Variants in SLC9A8 observed in about 807,000 individuals in gnomAD.
SLC9A8 encodes the protein sodium/hydrogen exchanger 8.
SLC9A8 carries 48 observed loss-of-function variants against 66.6 expected under a neutral mutation model. The observed-to-expected ratio is 0.72, with a 90% CI of 0.57 to 0.92. SLC9A8 has a LOEUF of 0.92. SLC9A8 is among the 40% of genes least tolerant of loss of function. SLC9A8 has a pLI of 0.00. For synonymous variants in SLC9A8, 274 were observed against 282.6 expected (o/e 0.97, Z 0.31); for missense variants, 599 against 747.3 (o/e 0.80, Z 2.31).
chr20:49,867,544 A>G (rs541866020), intron 10 of SLC9A8, among the ~76,000 whole-genome samples: 1 of 152,194 alleles, frequency 6.6e-6, no homozygotes, highest in Non-Finnish European at 1.5e-5. Context: ...ACTGATCAGT[A>G]TCAGTCAAAG....
intron 2 of SLC9A8, among the ~76,000 whole-genome samples, chr20:49,817,487 A>G (rs965054761): frequency 1.4e-5 from 2 of 139,944 alleles, no homozygotes; most frequent in East Asian, 4.2e-4. Flanking sequence ...TCTGATGTGT[A>G]TTAGGACTGT....
chr20:49,834,230 G>T (rs1335507473), intron 3 of SLC9A8, among the ~76,000 whole-genome samples: 42 of 97,552 alleles, frequency 4.3e-4, no homozygotes, highest in African/African-American at 1.7e-3. Context: ...CACACACTAT[G>T]TATATACACA....
At chr20:49,856,934 G>A (rs763487958) in intron 8 of SLC9A8, among the ~76,000 whole-genome samples, 1 of 152,102 alleles carries the variant, frequency 6.6e-6, no homozygotes, top group Non-Finnish European at 1.5e-5. Flanking sequence ...GGGCAACAGA[G>A]CAAGACCCTG....
intron 10 of SLC9A8, among the ~76,000 whole-genome samples, chr20:49,865,657 G>A (rs145358667): frequency 2.0e-5 from 3 of 152,308 alleles, no homozygotes; most frequent in East Asian, 1.9e-4. Flanking sequence ...TCTTGGAGCC[G>A]TCACCTGGTA....
In SLC9A8 at chr20:49,889,164, C is replaced by T. The variant is rs1274917393; in HGVS notation, c.*1228C>T. On this transcript the variant is annotated 3_prime_UTR_variant, in exon 16 of 16. Coordinates refer to ENST00000361573, the MANE Select transcript of SLC9A8 (RefSeq NM_015266.3). ...AATGACTCCCATCCTCTCCTCATCTCCCCTTTGACGAGCCTCAAACTGCTC... is the reference window on the plus strand; with the variant it reads ...AATGACTCCCATCCTCTCCTCATCTTCCCTTTGACGAGCCTCAAACTGCTC... 1 of 152,284 alleles carries T rather than the reference C, an allele frequency of 6.6e-6. No individual in the cohort carries two copies. Among genetic ancestry groups the T allele is most frequent in the East Asian group, 1.9e-4 (1 of 5,196 alleles). The allele number at this position is 152,284 out of a possible 1,614,324, so 9.4% of individuals were successfully genotyped here.
At chr20:49,873,700 G>C (rs187557191) in intron 10 of SLC9A8, among the ~76,000 whole-genome samples, 34 of 149,886 alleles carry the variant, frequency 2.3e-4, no homozygotes, top group Non-Finnish European at 4.4e-4. Flanking sequence ...GAACCCAGGA[G>C]GGGGAGGTTG....
At chr20:49,873,505 G>A (rs1251167032) in intron 10 of SLC9A8, among the ~76,000 whole-genome samples, 7 of 143,074 alleles carry the variant, frequency 4.9e-5, no homozygotes, top group African/African-American at 1.8e-4. Flanking sequence ...AAAAAAAGAG[G>A]CCGGGCATGT....
chr20:49,874,868 A>T, intron 11 of SLC9A8, 47 bp downstream of exon 11: 1 of 1,284,744 alleles, frequency 7.8e-7, no homozygotes, highest in Non-Finnish European at 1.1e-6. Flanking sequence ...CCCAGAGCTG[A>T]TCTTGCTTCC....
intron 3 of SLC9A8, among the ~76,000 whole-genome samples, chr20:49,838,896 G>A (rs558270784): frequency 3.3e-5 from 5 of 152,128 alleles, no homozygotes; most frequent in African/African-American, 9.7e-5. Flanking sequence ...CCAACAGAGG[G>A]TTAAGAGTCG....
At chr20:49,874,265 A>G (rs75282133) in intron 10 of SLC9A8, among the ~76,000 whole-genome samples, 2 of 151,054 alleles carry the variant, frequency 1.3e-5, no homozygotes, top group African/African-American at 4.9e-5. Context: ...TCCCCCCCCC[A>G]AAAAAAAGGG....
At chr20:49,826,382 A>G (rs1442739217) in intron 3 of SLC9A8, among the ~76,000 whole-genome samples, 1 of 152,220 alleles carries the variant, frequency 6.6e-6, no homozygotes, top group East Asian at 1.9e-4. Flanking sequence ...ATCTAGAAGA[A>G]GTTGCCAGAG....
chr20:49,831,435 C>G (rs893612893), intron 3 of SLC9A8, among the ~76,000 whole-genome samples: 2 of 148,292 alleles, frequency 1.3e-5, no homozygotes, highest in Non-Finnish European at 3.0e-5. Context: ...CTCTCTCTGT[C>G]TCTCTCTCTC....
chr20:49,865,495 G>T (rs1426480668), intron 10 of SLC9A8, among the ~76,000 whole-genome samples: 1 of 152,188 alleles, frequency 6.6e-6, no homozygotes, highest in Admixed American at 6.5e-5. Context: ...AAGCAGTGGT[G>T]GTAGTGAGAT....
At chr20:49,837,958 AG>A (rs1198678516) in intron 3 of SLC9A8, among the ~76,000 whole-genome samples, 4 of 152,192 alleles carry the variant, frequency 2.6e-5, no homozygotes, top group African/African-American at 9.7e-5. Flanking sequence ...TAGATCTCTA[AG>A]ACTTAATGTT....
chr20:49,844,918 TTA>T, intron 4 of SLC9A8, 116 bp from the exon 5 acceptor site: 2 of 617,392 alleles, frequency 3.2e-6, no homozygotes, highest in African/African-American at 1.8e-5. Flanking sequence ...TATTTAAACA[TTA>T]TATGTTTCCA....
rs1193475317 is a variant in SLC9A8, at chr20:49,890,158, C to G, written c.*2222C>G. On this transcript the variant is annotated 3_prime_UTR_variant, in exon 16 of 16. Coordinates refer to ENST00000361573, the MANE Select transcript of SLC9A8 (RefSeq NM_015266.3). ...GATCTCCTCTGAGCCTCTTCTGCCC[C>G]CTGTCGGCCAGGTGAGGTCAGCAGC... 1 of 152,176 alleles carries G rather than the reference C, an allele frequency of 6.6e-6. No homozygotes were observed. Among genetic ancestry groups the G allele is most frequent in the Non-Finnish European group, 1.5e-5 (1 of 68,040 alleles). The allele number at this position is 152,176 out of a possible 1,614,324, so 9.4% of individuals were successfully genotyped here.
In SLC9A8 at chr20:49,815,040, A is replaced by G. The variant is rs750949529; in HGVS notation, c.59A>G (p.Asn20Ser). 20 of 1,600,104 alleles carry G rather than the reference A, an allele frequency of 1.2e-5. No homozygotes were observed. Among genetic ancestry groups the G allele is most frequent in the South Asian group, 7.9e-5 (7 of 89,042 alleles). ...RFPNTTHEGFNVTLHTTLVVT... is the reference protein window; with the variant it reads ...RFPNTTHEGFSVTLHTTLVVT... ...CCCAATACAACTCATGAGGGTTTCAATGTCACCCTCCACACCACCCTGGTT... is the reference window on the plus strand; with the variant it reads ...CCCAATACAACTCATGAGGGTTTCAGTGTCACCCTCCACACCACCCTGGTT... Residue 20 changes from asparagine (N) to serine (S), a missense_variant, in exon 2 of 16, where the codon AAT becomes AGT. Physicochemically the swap from Asn to Ser is conservative, Grantham distance 46. Coordinates refer to ENST00000361573, the MANE Select transcript of SLC9A8 (RefSeq NM_015266.3).
intron 2 of SLC9A8, among the ~76,000 whole-genome samples, chr20:49,821,884 T>C (rs1020034147): frequency 5.9e-5 from 9 of 152,140 alleles, no homozygotes; most frequent in Non-Finnish European, 1.0e-4. Context: ...TTATTCTGTT[T>C]TGGAGATTGA....
At chr20:49,887,472 G>C (rs1338296323) in intron 15 of SLC9A8, among the ~76,000 whole-genome samples, 1 of 152,184 alleles carries the variant, frequency 6.6e-6, no homozygotes, top group Non-Finnish European at 1.5e-5. Flanking sequence ...AGTGGATGCA[G>C]CTGTGTCCCT....
Sources: allele counts gnomAD v4.1 joint callset (sites outside exome capture counted in the v4.1 genomes callset), GRCh38; gene constraint gnomAD v4.1.1; transcripts MANE v1.5; gene names NCBI Gene and HGNC (gene_info 2026-07-23, HGNC 2026-07-21).